Variants in ZFPM2 observed in about 807,000 individuals in gnomAD.
The protein encoded by ZFPM2 is zinc finger protein ZFPM2.
In ZFPM2, 20 loss-of-function variants were observed where a neutral mutation model predicts 98.6. That is an observed-to-expected ratio of 0.20 (90% CI 0.14 to 0.29). The LOEUF (loss-of-function observed/expected upper bound fraction) is 0.29, where lower values mean the gene tolerates loss of function less well. ZFPM2 is among the 10% of genes least tolerant of loss of function. The pLI is 1.00. For missense variants in ZFPM2, 1,310 were observed against 1,388.6 expected (o/e 0.94, Z 0.90); for synonymous variants, 518 against 502.7 (o/e 1.03, Z -0.41).
At chr8:105,738,246 C>T (rs1354875456) in intron 5 of ZFPM2, among the ~76,000 whole-genome samples, 4 of 152,002 alleles carry the variant, frequency 2.6e-5, no homozygotes, top group Admixed American at 2.6e-4. Context: ...CATTTTGCTC[C>T]TACTTATAAG....
chr8:105,399,406 GTAGAGCTTT>G (rs1373338938), intron 1 of ZFPM2, among the ~76,000 whole-genome samples: 2 of 152,152 alleles, frequency 1.3e-5, no homozygotes, highest in African/African-American at 4.8e-5. Context: ...TGTTTCGGAG[GTAGAGCTTT>G]TAAGGACATG....
rs1810764211 is a variant in ZFPM2, at chr8:105,687,336, A to C, written c.532+52979A>C. 2.0e-5 allele frequency among the ~76,000 whole-genome samples: 3 copies of C among 152,216 alleles called. No homozygotes were observed. In the South Asian group the frequency reaches 6.2e-4, roughly 31 times the overall value. On this transcript the variant is annotated intron_variant, in intron 5 of 7. Transcript: ENST00000407775. ...GCTTATGAGAACTATTAGACTGCTT[A>C]AAATGAGTTTCACCACAAAACTATA... is the stretch of plus-strand genomic sequence containing the variant.
chr8:105,535,762 G>A (rs1436108457), intron 3 of ZFPM2, among the ~76,000 whole-genome samples: 1 of 152,138 alleles, frequency 6.6e-6, no homozygotes, highest in Non-Finnish European at 1.5e-5. Context: ...TCTTCTTTCT[G>A]ATTAGAGTCA....
At chr8:105,470,447 T>G (rs540520398) in intron 3 of ZFPM2, among the ~76,000 whole-genome samples, 1 of 152,302 alleles carries the variant, frequency 6.6e-6, no homozygotes, top group South Asian at 2.1e-4. Flanking sequence ...TACCTGGGGA[T>G]GGTAAACAAC....
Position 105,691,231 on chromosome 8 carries a change from C to CTT in ZFPM2, c.532+56901_532+56902dup, listed in dbSNP as rs869164122. Among the ~76,000 whole-genome samples, 116 of 67,968 alleles carry CTT rather than the reference C, an allele frequency of 1.7e-3. 17 individuals carry two copies. The highest frequency in any genetic ancestry group is 2.8e-3 in the African/African-American group (36 of 12,636). The allele number at this position is 67,968 out of a possible 152,430, so 44.6% of individuals were successfully genotyped here. A position where few individuals can be genotyped will look rare whatever the true frequency, so the allele number is the denominator to read the frequency against. On this transcript the variant is annotated intron_variant, in intron 5 of 7. Coordinates refer to ENST00000407775, the MANE Select transcript of ZFPM2 (RefSeq NM_012082.4). ...CTCAAGCGCCCTGTTCCCAAAGAGA[C>CTT]TTTTTTTTTTTTTTTTTTTTTTTTT...
chr8:105,763,620 C>G (rs1327382135), intron 5 of ZFPM2, among the ~76,000 whole-genome samples: 1 of 151,856 alleles, frequency 6.6e-6, no homozygotes, highest in Non-Finnish European at 1.5e-5. Context: ...TCTTCCAATA[C>G]ACAGGATAAT....
intron 1 of ZFPM2, among the ~76,000 whole-genome samples, chr8:105,411,690 A>T (rs1190211165): frequency 6.6e-6 from 1 of 151,958 alleles, no homozygotes; most frequent in South Asian, 2.1e-4. Context: ...TCTTCAATAG[A>T]CTGAGATAAC....
At chr8:105,489,467 T>TATA (rs372429625) in intron 3 of ZFPM2, among the ~76,000 whole-genome samples, 1,909 of 87,900 alleles carry the variant, frequency 0.022, 9 homozygotes, top group Non-Finnish European at 0.028. Context: ...TATATATATA[T>TATA]TTTTTTTTTT....
intron 3 of ZFPM2, among the ~76,000 whole-genome samples, chr8:105,488,621 G>A (rs894595069): frequency 2.6e-4 from 40 of 152,102 alleles, no homozygotes; most frequent in African/African-American, 7.7e-4. Context: ...AAAATTAGCC[G>A]GGCATGGTGG....
intron 2 of ZFPM2, among the ~76,000 whole-genome samples, chr8:105,431,923 A>AAAAAAAAAAAAG (rs550104020): frequency 1.3e-5 from 2 of 151,546 alleles, no homozygotes; most frequent in African/African-American, 4.9e-5. Flanking sequence ...CTGTGTCTCA[A>AAAAAAAAAAAAG]AAAAAAGAAA....
At chr8:105,378,475 C>A (rs1224648447) in intron 1 of ZFPM2, among the ~76,000 whole-genome samples, 2 of 152,106 alleles carry the variant, frequency 1.3e-5, no homozygotes, top group African/African-American at 4.8e-5. Flanking sequence ...TTAATCTTTC[C>A]TCCTAGGCTG....
chr8:105,338,124 A>G lies in ZFPM2; in HGVS notation c.40+19143A>G, dbSNP rs540532620. On this transcript the variant is annotated intron_variant, in intron 1 of 7. Coordinates refer to ENST00000407775, the MANE Select transcript of ZFPM2 (RefSeq NM_012082.4). ...TTGTATAGCAACCTAAAGGTTTTTT[A>G]TGATATCCCATGATGTTATTACAAA... 2.1e-3 allele frequency among the ~76,000 whole-genome samples: 314 copies of G among 151,910 alleles called. 2 individuals carry two copies. Among genetic ancestry groups the G allele is most frequent in the African/African-American group, 7.3e-3 (302 of 41,516 alleles).
chr8:105,369,909 A>G (rs1484227636), intron 1 of ZFPM2, among the ~76,000 whole-genome samples: 2 of 152,180 alleles, frequency 1.3e-5, no homozygotes, highest in Non-Finnish European at 2.9e-5. Flanking sequence ...ATAAATATGA[A>G]TATAGTAGTA....
chr8:105,542,369 G>A (rs1014785660), intron 3 of ZFPM2, among the ~76,000 whole-genome samples: 1 of 152,108 alleles, frequency 6.6e-6, no homozygotes, highest in Non-Finnish European at 1.5e-5. Flanking sequence ...AGCGAGATGT[G>A]TTAAATCGTT....
At chr8:105,799,296 A>T (rs1813928850) in intron 7 of ZFPM2, among the ~76,000 whole-genome samples, 2 of 152,206 alleles carry the variant, frequency 1.3e-5, no homozygotes, top group Admixed American at 1.3e-4. Context: ...AACTGATCAT[A>T]GTGTTTCCTA....
intron 3 of ZFPM2, among the ~76,000 whole-genome samples, chr8:105,493,802 C>T (rs562279621): frequency 6.6e-6 from 1 of 152,220 alleles, no homozygotes; most frequent in East Asian, 1.9e-4. Context: ...TTTTCTGTTA[C>T]AGCAAGCCTT....
intron 1 of ZFPM2, among the ~76,000 whole-genome samples, chr8:105,360,764 A>C (rs1178209726): frequency 7.7e-5 from 11 of 143,788 alleles, no homozygotes; most frequent in African/African-American, 1.8e-4. Flanking sequence ...GAGAATGATG[A>C]TTTCCAATTT....
intron 2 of ZFPM2, among the ~76,000 whole-genome samples, chr8:105,442,100 G>A (rs1812262977): frequency 6.6e-6 from 1 of 151,936 alleles, no homozygotes; most frequent in Non-Finnish European, 1.5e-5. Flanking sequence ...TTGGGAGGCC[G>A]AGGTGGGCGG....
chr8:105,763,689 C>G (rs370841984), intron 5 of ZFPM2, among the ~76,000 whole-genome samples: 4 of 151,836 alleles, frequency 2.6e-5, no homozygotes, highest in Admixed American at 2.0e-4. Context: ...TGTCCAAGGT[C>G]ACATAGATGC....
Sources: gnomAD v4.1 joint callset for allele counts (sites outside exome capture counted in the v4.1 genomes callset) on GRCh38, gnomAD v4.1.1 for gene constraint, MANE v1.5 for transcripts, NCBI Gene and HGNC (gene_info 2026-07-23, HGNC 2026-07-21) for gene names.